The following FGGY variants were observed in gnomAD, a reference collection of about 807,000 sequenced individuals.
The protein encoded by FGGY is FGGY carbohydrate kinase domain-containing protein.
FGGY carries 72 observed loss-of-function variants against 71.3 expected under a neutral mutation model. The observed-to-expected ratio is 1.01, with a 90% confidence interval of 0.84 to 1.23. The LOEUF (loss-of-function observed/expected upper bound fraction) is 1.23, where lower values mean the gene tolerates loss of function less well. FGGY is among the 50% of genes most tolerant of loss of function. The pLI is 0.00. For synonymous variants in FGGY, 251 were observed against 250.3 expected, an observed-to-expected ratio of 1.00 and a Z score of -0.02; for missense variants, 668 against 682.3, an observed-to-expected ratio of 0.98 and a Z score of 0.23.
At chr1:59,592,982 G>A (rs745462731) in intron 8 of FGGY, among the ~76,000 whole-genome samples, 3 of 152,074 alleles carry the variant, frequency 2.0e-5, no homozygotes, top group Non-Finnish European at 4.4e-5. Flanking sequence ...AAAGAGAAAT[G>A]CATTTGAGGC....
intron 7 of FGGY, among the ~76,000 whole-genome samples, chr1:59,536,456 G>T (rs2095317228): frequency 6.6e-6 from 1 of 152,164 alleles, no homozygotes; most frequent in South Asian, 2.1e-4. Context: ...AGAAAAAGAA[G>T]GTATCCTCCC....
intron 4 of FGGY, among the ~76,000 whole-genome samples, chr1:59,372,314 A>G (rs2057806635): frequency 6.6e-6 from 1 of 152,236 alleles, no homozygotes; most frequent in Non-Finnish European, 1.5e-5. Flanking sequence ...TCTAGAAGAA[A>G]TGGATAAATT....
chr1:59,499,949 ATGTT>A (rs2094173755), intron 6 of FGGY, among the ~76,000 whole-genome samples: 1 of 152,150 alleles, frequency 6.6e-6, no homozygotes, highest in Non-Finnish European at 1.5e-5. Flanking sequence ...ATACATATAT[ATGTT>A]TGTATTTCCC....
chr1:59,475,955 T>C (rs1195256712), intron 6 of FGGY, among the ~76,000 whole-genome samples: 1 of 152,214 alleles, frequency 6.6e-6, no homozygotes, highest in Non-Finnish European at 1.5e-5. Context: ...CTCCTTGCCA[T>C]GTTCAACAAA....
chr1:59,667,214 T>C, intron 12 of FGGY, 69 bp from the exon 13 acceptor site: 1 of 1,590,648 alleles, frequency 6.3e-7, no homozygotes, highest in South Asian at 1.1e-5. Flanking sequence ...TGAGTAGACA[T>C]TTAAGAAGTG....
intron 8 of FGGY, among the ~76,000 whole-genome samples, chr1:59,591,174 G>A (rs1334091242): frequency 3.9e-5 from 6 of 152,148 alleles, no homozygotes; most frequent in Admixed American, 3.9e-4. Context: ...AATAATGAGT[G>A]AGCTCCCATT....
intron 8 of FGGY, among the ~76,000 whole-genome samples, chr1:59,589,690 G>C (rs11584775): frequency 0.11 from 16,428 of 152,144 alleles, 1,054 homozygotes; most frequent in South Asian, 0.3. Flanking sequence ...AATGACTACT[G>C]GGTACATAAT....
At chr1:59,682,676 G>A (rs1055440113) in intron 14 of FGGY, among the ~76,000 whole-genome samples, 1 of 152,192 alleles carries the variant, frequency 6.6e-6, no homozygotes, top group African/African-American at 2.4e-5. Flanking sequence ...ATCAGAATCA[G>A]AGAGCAAGGG....
chr1:59,719,785 G>A (rs536654328), intron 14 of FGGY, among the ~76,000 whole-genome samples: 157 of 152,146 alleles, frequency 1.0e-3, no homozygotes, highest in African/African-American at 3.7e-3. Context: ...TATTGATAAG[G>A]GCCTTGCAAG....
At chr1:59,362,037 C>G (rs1332729293) in intron 4 of FGGY, among the ~76,000 whole-genome samples, 1 of 152,158 alleles carries the variant, frequency 6.6e-6, no homozygotes, top group East Asian at 1.9e-4. Flanking sequence ...GATTTCTGCC[C>G]TCCCTTCTCG....
chr1:59,513,021 T>A lies in FGGY; in HGVS notation c.799+582T>A, dbSNP rs367830819. Among the ~76,000 whole-genome samples the A allele has an allele frequency of 3.9e-4, 59 of 152,196 alleles. 2 individuals are homozygous for A. Among genetic ancestry groups the A allele is most frequent in the Non-Finnish European group, 2.9e-5 (2 of 68,040 alleles). Reference sequence around the variant, plus strand: ...AAACCAAAGTCTCTTCCCCAGCTTTTAATGGGAAAACACACAGGGAAACAA... The same window carrying A: ...AAACCAAAGTCTCTTCCCCAGCTTTAAATGGGAAAACACACAGGGAAACAA... On this transcript the variant is annotated intron_variant, in intron 7 of 15. Coordinates refer to ENST00000303721, the MANE Select transcript of FGGY (RefSeq NM_018291.5).
At chr1:59,361,192 C>T (rs1411113400) in intron 4 of FGGY, among the ~76,000 whole-genome samples, 1 of 152,168 alleles carries the variant, frequency 6.6e-6, no homozygotes, top group African/African-American at 2.4e-5. Context: ...CAAGGACGTT[C>T]ATTCATTCAG....
chr1:59,740,059 A>G (rs2098135220), intron 14 of FGGY, among the ~76,000 whole-genome samples: 1 of 152,220 alleles, frequency 6.6e-6, no homozygotes, highest in South Asian at 2.1e-4. Flanking sequence ...AATTTTGTGC[A>G]TGATGGGAAC....
chr1:59,394,028 G>A (rs1408069162), intron 5 of FGGY, among the ~76,000 whole-genome samples: 1 of 152,182 alleles, frequency 6.6e-6, no homozygotes, highest in Non-Finnish European at 1.5e-5. Flanking sequence ...GAGGACCAAA[G>A]GTCTGCGTAG....
At chr1:59,522,045 C>T (rs2094848012) in intron 7 of FGGY, among the ~76,000 whole-genome samples, 1 of 152,236 alleles carries the variant, frequency 6.6e-6, no homozygotes, top group Non-Finnish European at 1.5e-5. Flanking sequence ...ATTTCACCTA[C>T]CAATCGTTGA....
intron 4 of FGGY, among the ~76,000 whole-genome samples, chr1:59,357,401 A>G (rs550890568): frequency 2.0e-5 from 3 of 152,338 alleles, no homozygotes; most frequent in South Asian, 4.1e-4. Flanking sequence ...TATTTCCTTT[A>G]TATGATCTAT....
At chr1:59,606,126 G>A (rs1247081028) in intron 8 of FGGY, among the ~76,000 whole-genome samples, 1 of 151,666 alleles carries the variant, frequency 6.6e-6, no homozygotes, top group African/African-American at 2.4e-5. Flanking sequence ...GGACTGCTAT[G>A]GTCTGTTAAA....
chr1:59,489,132 G>A (rs995891906), intron 6 of FGGY, among the ~76,000 whole-genome samples: 1 of 151,968 alleles, frequency 6.6e-6, no homozygotes, highest in Non-Finnish European at 1.5e-5. Flanking sequence ...TATTTAGGGG[G>A]TACATAGTGA....
chr1:59,607,982 C>A, intron 9 of FGGY, 72 bp downstream of exon 9: 1 of 1,225,526 alleles, frequency 8.2e-7, no homozygotes, highest in Non-Finnish European at 1.2e-6. Context: ...GTCACATGAC[C>A]CATATACCCA....
Sources: gnomAD v4.1 joint callset for allele counts (sites outside exome capture counted in the v4.1 genomes callset) on GRCh38, gnomAD v4.1.1 for gene constraint, MANE v1.5 for transcripts, NCBI Gene and HGNC (gene_info 2026-07-23, HGNC 2026-07-21) for gene names.